TRRAP: variants seen among roughly 807,000 people sequenced by gnomAD.
The protein encoded by TRRAP is transformation/transcription domain associated protein.
TRRAP carries 41 observed loss-of-function variants against 438.8 expected under a neutral mutation model. The ratio of observed to expected loss-of-function variants is 0.09; its 90% CI spans 0.07 to 0.12. The LOEUF is 0.12. TRRAP is among the 10% of genes least tolerant of loss of function. The pLI, the probability that TRRAP is intolerant of heterozygous loss-of-function variation, is 1.00. For missense variants in TRRAP, 3,122 were observed against 5,055.1 expected (o/e 0.62, Z 11.60); for synonymous variants, 1,994 against 1,962.9 (o/e 1.02, Z -0.42).
intron 60 of TRRAP, 121 bp from the exon 61 acceptor site, chr7:98,983,972 A>T: frequency 7.7e-7 from 1 of 1,296,366 alleles, no homozygotes; most frequent in Non-Finnish European, 1.0e-6. Context: ...AGGGTTTATC[A>T]CAGAGCTGCC....
chr7:98,937,888 A>G, intron 30 of TRRAP, 68 bp downstream of exon 30: 1 of 1,468,294 alleles, frequency 6.8e-7, no homozygotes. Context: ...AAAAATAAAT[A>G]ATGCAGCTGG....
At chr7:98,940,371 G>C (rs190768476) in intron 30 of TRRAP, among the ~76,000 whole-genome samples, 1 of 151,054 alleles carries the variant, frequency 6.6e-6, no homozygotes, top group Admixed American at 6.6e-5. Flanking sequence ...TGTATTTTTA[G>C]TAGAGACGGG....
At chr7:98,984,063 G>A in intron 60 of TRRAP, 30 bp from the exon 61 acceptor site, 2 of 1,554,422 alleles carry the variant, frequency 1.3e-6, no homozygotes, top group Non-Finnish European at 1.7e-6. Flanking sequence ...GGATCGGTGT[G>A]GGCTAATGAT....
At chr7:98,933,465 T>A in intron 27 of TRRAP, 63 bp downstream of exon 27, 2 of 1,549,154 alleles carry the variant, frequency 1.3e-6, no homozygotes, top group Admixed American at 3.5e-5. Context: ...AGCCTGTCTT[T>A]GTACGCGAAG....
At chr7:98,982,034 C>A (rs928352803) in intron 59 of TRRAP, 74 bp downstream of exon 59, 5 of 1,388,524 alleles carry the variant, frequency 3.6e-6, no homozygotes, top group Non-Finnish European at 4.7e-6. Context: ...AGGCTTAGGT[C>A]TGCAGACTGC....
chr7:98,985,839 TG>T (rs1343658815), intron 62 of TRRAP, among the ~76,000 whole-genome samples: 3 of 152,222 alleles, frequency 2.0e-5, no homozygotes, highest in Non-Finnish European at 4.4e-5. Flanking sequence ...TACAATTTAG[TG>T]GGTTTTAGTA....
intron 20 of TRRAP, among the ~76,000 whole-genome samples, chr7:98,917,931 G>A (rs1554409771): frequency 1.3e-5 from 2 of 151,976 alleles, no homozygotes; most frequent in African/African-American, 2.4e-5. Flanking sequence ...AGACCAGCCT[G>A]GGCAACATGG....
intron 10 of TRRAP, among the ~76,000 whole-genome samples, 153 bp from the exon 11 acceptor site, chr7:98,900,471 C>G (rs1223483977): frequency 6.6e-6 from 1 of 152,128 alleles, no homozygotes; most frequent in Non-Finnish European, 1.5e-5. Flanking sequence ...TTTGGAATTG[C>G]ACGAAAGGTG....
At position 98,949,433 on chromosome 7, in the gene TRRAP, A is replaced by G. The variant is rs782460098; in HGVS notation, c.4805A>G (p.Lys1602Arg). The G allele has an allele frequency of 1.3e-6, 2 of 1,548,870 alleles. No homozygotes were observed. The highest frequency in any genetic ancestry group is 2.2e-5 in the Admixed American group (1 of 44,808). ...TGCTTTCAGAGTTTTTTAAAACACA[A>G]AGACGCCAGACCTCTGCGGGATGTG... ...SRMFMSFLKHKDARPLRDVLA... is the reference protein window; with the variant it reads ...SRMFMSFLKHRDARPLRDVLA... The change falls in exon 36 of 73, where the codon AAA becomes AGA. Residue 1602 changes from lysine to arginine, a missense_variant. By Grantham distance (26) the Lys-to-Arg change is conservative. Transcript: ENST00000456197.
At chr7:98,999,355 A>C in intron 67 of TRRAP, 1 of 1,410,872 alleles carries the variant, frequency 7.1e-7, no homozygotes, top group Non-Finnish European at 1.0e-6. Flanking sequence ...CTTGACAGTG[A>C]TTCCACATCC....
In TRRAP at chr7:98,908,824, G is replaced by C; in HGVS notation, c.1212G>C (p.Lys404Asn). 1.2e-6 allele frequency: 2 copies of C among 1,612,188 alleles called. No homozygotes were observed. Among genetic ancestry groups the C allele is most frequent in the Non-Finnish European group, 1.7e-6 (2 of 1,179,248 alleles). The change falls in exon 14 of 73, where the codon AAG becomes AAC. Residue 404 changes from lysine (K) to asparagine (N), a missense_variant. Physicochemically the swap from Lys to Asn is moderately conservative, Grantham distance 94 (BLOSUM62 0). Transcript: ENST00000456197. The surrounding 1 kb of genome is among the most constrained non-coding windows in gnomAD (Gnocchi z 4.1). ...CCCTCGCCGTCCAGCTCTTCGCCAA[G>C]AACATCGACGATGAGTCCCTGCCCA... ...DLSLAVQLFA[K>N]NIDDESLPSS...
intron 37 of TRRAP, 41 bp from the exon 38 acceptor site, chr7:98,950,023 T>C: frequency 6.2e-7 from 1 of 1,610,650 alleles, no homozygotes; most frequent in South Asian, 1.1e-5. Context: ...GTTAATGAAA[T>C]TTGCTCTAAG....
At chr7:98,980,385 T>C (rs1294605039) in intron 58 of TRRAP, among the ~76,000 whole-genome samples, 2 of 128,082 alleles carry the variant, frequency 1.6e-5, no homozygotes, top group Non-Finnish European at 3.0e-5. Flanking sequence ...ATCTTTCTAA[T>C]CACAGAGATG....
chr7:98,998,785 G>A (rs219831), intron 67 of TRRAP: 53,403 of 237,426 alleles, frequency 0.22, 11,578 homozygotes, highest in African/African-American at 0.68. Context: ...CTCTTCCAGT[G>A]CCCTCTGACT....
chr7:98,930,291 T>C lies in TRRAP; in HGVS notation c.3393+85T>C, dbSNP rs782383142. 5.8e-4 allele frequency: 877 copies of C among 1,506,122 alleles called. 3 individuals are homozygous for C. The highest frequency in any genetic ancestry group is 2.3e-3 in the Middle Eastern group (11 of 4,790). The allele number at this position is 1,506,122 out of a possible 1,614,324, so 93.3% of individuals were successfully genotyped here. ...CTTCTAGAAACTGATAGTTTAAGAA[T>C]TGCGGCCAGACGCAGTGGCTCACGC... On this transcript the variant is annotated intron_variant, in intron 24 of 72. Coordinates refer to ENST00000456197, the MANE Select transcript of TRRAP (RefSeq NM_001375524.1).
At chr7:98,934,810 T>C (rs1790485638) in intron 27 of TRRAP, among the ~76,000 whole-genome samples, 1 of 152,158 alleles carries the variant, frequency 6.6e-6, no homozygotes, top group South Asian at 2.1e-4. Context: ...GAGAGTATTT[T>C]TGAAGGTCAT....
intron 7 of TRRAP, 120 bp downstream of exon 7, chr7:98,895,940 G>T (rs1449226168): frequency 5.7e-6 from 4 of 701,884 alleles, no homozygotes; most frequent in African/African-American, 1.8e-5. Flanking sequence ...TTTTAGAATG[G>T]GGAATGTTTA....
chr7:98,991,811 G>A (rs549924889), intron 64 of TRRAP, among the ~76,000 whole-genome samples: 2 of 152,324 alleles, frequency 1.3e-5, no homozygotes, highest in East Asian at 3.9e-4. Flanking sequence ...TTGCTTCAGT[G>A]AGATCTGGGG....
intron 26 of TRRAP, 131 bp downstream of exon 26, chr7:98,931,796 C>T: frequency 8.0e-7 from 1 of 1,255,550 alleles, no homozygotes; most frequent in Non-Finnish European, 1.1e-6. Flanking sequence ...GTTCCAGGAC[C>T]CTGCGTGGGT....
Sources: allele counts gnomAD v4.1 joint callset (sites outside exome capture counted in the v4.1 genomes callset), GRCh38; gene constraint gnomAD v4.1.1; non-coding constraint Gnocchi (gnomAD v3.1); transcripts MANE v1.5; gene names NCBI Gene and HGNC (gene_info 2026-07-23, HGNC 2026-07-21).